The following MYLK4 variants were observed in gnomAD, a reference collection of about 807,000 sequenced individuals.
MYLK4 encodes the protein myosin light chain kinase family member 4.
Under a neutral mutation model 48.1 loss-of-function variants are expected in MYLK4, and 46 were observed. That is an observed-to-expected ratio of 0.96 (90% confidence interval 0.75 to 1.22). The LOEUF (loss-of-function observed/expected upper bound fraction) is 1.22, where lower values mean the gene tolerates loss of function less well. Ranked by LOEUF, MYLK4 falls within the 50% of genes most tolerant of loss-of-function variation. MYLK4 has a pLI of 0.00. For missense variants in MYLK4, 451 were observed against 486.1 expected, an observed-to-expected ratio of 0.93 and a Z score of 0.68; for synonymous variants, 170 against 180.8, an observed-to-expected ratio of 0.94 and a Z score of 0.48.
the MYLK4 span, among the ~76,000 whole-genome samples, chr6:2,762,194 A>G: frequency 6.6e-6 from 1 of 152,142 alleles, no homozygotes; most frequent in African/African-American, 2.4e-5. Flanking sequence ...ACCGGAGTTT[A>G]TATTAATTCT....
the MYLK4 span, among the ~76,000 whole-genome samples, chr6:2,762,820 T>C: frequency 4.6e-5 from 7 of 152,204 alleles, no homozygotes; most frequent in African/African-American, 1.7e-4. Flanking sequence ...GTTAGAGGTC[T>C]TAGGTCAGCA....
At chr6:2,745,924 C>CAA (rs1224875872) in intron 2 of MYLK4, among the ~76,000 whole-genome samples, 4 of 119,574 alleles carry the variant, frequency 3.3e-5, no homozygotes, top group African/African-American at 3.1e-5. Context: ...GAAGCTGTCT[C>CAA]AAAAAAAAAA....
At chr6:2,694,107 TA>T (rs1222938655) in intron 2 of MYLK4, among the ~76,000 whole-genome samples, 13 of 152,222 alleles carry the variant, frequency 8.5e-5, no homozygotes, top group African/African-American at 3.1e-4. Context: ...GGATTCAGAG[TA>T]TTTCCGTTTT....
chr6:2,689,503 A>G (rs1761692512), intron 3 of MYLK4, among the ~76,000 whole-genome samples: 1 of 152,240 alleles, frequency 6.6e-6, no homozygotes, highest in South Asian at 2.1e-4. Flanking sequence ...CTGGCTGGAA[A>G]TAAAACACCC....
At chr6:2,758,762 G>C in the MYLK4 span, among the ~76,000 whole-genome samples, 1 of 151,994 alleles carries the variant, frequency 6.6e-6, no homozygotes, top group Non-Finnish European at 1.5e-5. Context: ...TTTTTTCCCA[G>C]TTAAAACTGT....
chr6:2,707,115 C>T (rs1439533648), intron 2 of MYLK4, among the ~76,000 whole-genome samples: 4 of 152,146 alleles, frequency 2.6e-5, no homozygotes, highest in African/African-American at 7.2e-5. Flanking sequence ...GTTTTTCTTC[C>T]TCTGTTAACT....
Position 2,685,603 on chromosome 6 carries a change from A to C in MYLK4, c.342-27T>G. The C allele has an allele frequency of 6.2e-7, 1 of 1,610,198 alleles. No homozygotes were observed. The highest frequency in any genetic ancestry group is 8.5e-7 in the Non-Finnish European group (1 of 1,176,832). ...TGCCAAAAAGAGGAAGCGGCGTAGC[A>C]TGAGGCCCTGTGGTCAGCTGCCGAG... On this transcript the variant is annotated intron_variant, in intron 4 of 12. Transcript: ENST00000274643. This position sits in a 1 kb window ranked among gnomAD's most constrained non-coding sequence, Gnocchi z 4.5.
intron 12 of MYLK4, among the ~76,000 whole-genome samples, chr6:2,668,859 C>T (rs1760769376): frequency 6.6e-6 from 1 of 152,086 alleles, no homozygotes; most frequent in African/African-American, 2.4e-5. Flanking sequence ...CACTTGAGCT[C>T]AGGAGTTCAA....
rs552320308 is a variant in MYLK4, at chr6:2,664,909, A to T, written c.*3016T>A. 6.6e-6 allele frequency: 1 copy of T among 152,322 alleles called. No individual in the cohort carries two copies. Among genetic ancestry groups the T allele is most frequent in the East Asian group, 1.9e-4 (1 of 5,180 alleles). 9.4% of individuals were successfully genotyped at this position (152,322 alleles called of 1,614,324 possible). ...CTCTCCCTGATTTTTAAATAGCAAC[A>T]GATTCTGGGTAAGTGTTGGTGTCTT... On this transcript the variant is annotated 3_prime_UTR_variant, in exon 13 of 13. Transcript: ENST00000274643.
At chr6:2,770,047 A>T in the MYLK4 span, 1 of 1,591,664 alleles carries the variant, frequency 6.3e-7, no homozygotes. Context: ...AGGAAGGGAT[A>T]GCCAACTTAC....
rs71552134 is a variant in MYLK4 at position 2,665,024 on chromosome 6, T to A, written c.*2901A>T. On this transcript the variant is annotated 3_prime_UTR_variant, in exon 13 of 13. Transcript: ENST00000274643. Reference sequence around the variant, plus strand: ...TGGGAAGTGCTACATCGGTGCTTAATTTCCTCCATTTGCTAAAGAAAGTGG... The same window carrying A: ...TGGGAAGTGCTACATCGGTGCTTAAATTCCTCCATTTGCTAAAGAAAGTGG... 6.6e-6 allele frequency: 1 copy of A among 152,250 alleles called. No homozygotes were observed. The highest frequency in any genetic ancestry group is 1.5e-5 in the Non-Finnish European group (1 of 68,054). 9.4% of individuals were successfully genotyped at this position (152,250 alleles called of 1,614,324 possible). A position where few individuals can be genotyped will look rare whatever the true frequency, so the allele number is the denominator to read the frequency against.
rs1268117865 is a variant in MYLK4 at position 2,685,348 on chromosome 6, G to A, written c.493C>T (p.Gln165Ter). Residue 165 changes from glutamine (Q) to a stop codon, truncating the protein, a stop_gained, in exon 6 of 13, where the codon CAG (glutamine) becomes TAG (stop). Coordinates refer to ENST00000274643, the MANE Select transcript of MYLK4 (RefSeq NM_001012418.5). LOFTEE classifies it high-confidence loss of function. The surrounding 1 kb of genome is among the most constrained non-coding windows in gnomAD (Gnocchi z 4.5). ...MNQLDHANLI[Q>*]LYDAFESKND... is the part of the protein sequence containing the mutation. ...TTAGACTCGAAGGCATCGTACAGCT[G>A]GATGAGGTTCGCGTGGTCCAGCTGG... The A allele has an allele frequency of 1.9e-6, 3 of 1,613,820 alleles. No individual in the cohort carries two copies. The highest frequency in any genetic ancestry group is 2.5e-6 in the Non-Finnish European group (3 of 1,179,920).
In MYLK4 at chr6:2,749,404, T is replaced by C. The variant is rs1764210518; in HGVS notation, c.-110A>G. 2 of 801,534 alleles carry C rather than the reference T, an allele frequency of 2.5e-6. No homozygotes were observed. Among genetic ancestry groups the C allele is most frequent in the Non-Finnish European group, 3.9e-6 (2 of 519,422 alleles). 49.7% of individuals were successfully genotyped at this position (801,534 alleles called of 1,614,324 possible). ...ATGACTCTTCAGTGCTTCTTTCTCT[T>C]GACTGCAAAGAAAGGAAACACAAAA... On this transcript the variant is annotated splice_region_variant and 5_prime_UTR_variant, in exon 2 of 13. Coordinates refer to ENST00000274643, the MANE Select transcript of MYLK4 (RefSeq NM_001012418.5).
intron 2 of MYLK4, among the ~76,000 whole-genome samples, chr6:2,696,414 C>T (rs577596279): frequency 2.0e-5 from 3 of 152,284 alleles, no homozygotes; most frequent in Admixed American, 6.5e-5. Flanking sequence ...GTAGGGCCTT[C>T]GAAGGTGACT....
At chr6:2,768,527 T>C in the MYLK4 span, among the ~76,000 whole-genome samples, 5 of 152,248 alleles carry the variant, frequency 3.3e-5, no homozygotes, top group African/African-American at 1.2e-4. Flanking sequence ...GTTGTTGTTT[T>C]TAAATGTCCT....
chr6:2,725,597 A>AAGAGAAAGAG (rs1582100394), intron 2 of MYLK4, among the ~76,000 whole-genome samples: 2 of 145,238 alleles, frequency 1.4e-5, no homozygotes, highest in Non-Finnish European at 3.0e-5. Flanking sequence ...GAAAGAAAGA[A>AAGAGAAAGAG]AGAAAGAAAC....
At position 2,680,143 on chromosome 6, in the gene MYLK4, C is replaced by CA. The variant is rs569751926; in HGVS notation, c.758+77dup. 8.7e-5 allele frequency: 127 copies of CA among 1,465,330 alleles called. No homozygotes were observed. In the African/African-American group the frequency reaches 1.6e-3, roughly 18 times the overall value. 90.8% of individuals were successfully genotyped at this position (1,465,330 alleles called of 1,614,324 possible). On this transcript the variant is annotated intron_variant, in intron 8 of 12. Transcript: ENST00000274643. Reference sequence around the variant, plus strand: ...GAGATCATGAAACCAAAGAGCAGATCAGATATATGTTTGCAAAGGAAGGGC... The same window carrying CA: ...GAGATCATGAAACCAAAGAGCAGATCAAGATATATGTTTGCAAAGGAAGGGC...
intron 2 of MYLK4, among the ~76,000 whole-genome samples, chr6:2,738,378 C>G (rs570974910): frequency 6.2e-4 from 95 of 152,314 alleles, no homozygotes; most frequent in African/African-American, 2.0e-3. Flanking sequence ...TGCTGGCAAA[C>G]TGCATTTAGT....
chr6:2,729,409 C>T (rs566866321), intron 2 of MYLK4, among the ~76,000 whole-genome samples: 6 of 152,314 alleles, frequency 3.9e-5, no homozygotes, highest in African/African-American at 1.2e-4. Flanking sequence ...ACACAGAGAT[C>T]GTGGCAAAGG....
Sources: gnomAD v4.1 joint callset for allele counts (sites outside exome capture counted in the v4.1 genomes callset) on GRCh38, gnomAD v4.1.1 for gene constraint, Gnocchi (gnomAD v3.1) non-coding constraint, MANE v1.5 for transcripts, NCBI Gene and HGNC (gene_info 2026-07-23, HGNC 2026-07-21) for gene names.